Variants in CDH22 observed in about 807,000 individuals in gnomAD.
CDH22 encodes cadherin 22, also known as cadherin-22.
CDH22 carries 30 observed loss-of-function variants against 58.4 expected under a neutral mutation model. That is an observed-to-expected ratio of 0.51 (90% CI 0.38 to 0.70). The LOEUF is 0.70. Ranked by LOEUF, CDH22 falls within the 30% of genes least tolerant of loss-of-function variation. CDH22 has a pLI of 0.00. For missense variants in CDH22, 1,014 were observed against 1,233.9 expected, an observed-to-expected ratio of 0.82 and a Z score of 2.67; for synonymous variants, 513 against 558.2, an observed-to-expected ratio of 0.92 and a Z score of 1.14.
In CDH22 at chr20:46,174,934, CCGA is replaced by C; in HGVS notation, c.2056_2058del (p.Ser686del). ...CCGAAGTCGTAGAGGCTCCGCAGCG[CCGA>C]CATGTCGTAGGCTTCGGTGTCCTGC... is the stretch of plus-strand genomic sequence containing the variant. On this transcript the variant is annotated inframe_deletion, in exon 12 of 12. Transcript: ENST00000537909. The surrounding 1 kb of genome is among the most constrained non-coding windows in gnomAD (Gnocchi z 4.4). 6.3e-7 allele frequency: 1 copy of C among 1,593,686 alleles called. No individual in the cohort carries two copies. Among genetic ancestry groups the C allele is most frequent in the Non-Finnish European group, 8.5e-7 (1 of 1,176,992 alleles).
intron 1 of CDH22, among the ~76,000 whole-genome samples, chr20:46,275,307 G>A (rs1014225088): frequency 1.3e-4 from 19 of 151,958 alleles, no homozygotes; most frequent in Admixed American, 6.5e-4. Context: ...GTAGCTGTTC[G>A]CCAAGTCTGG....
intron 1 of CDH22, among the ~76,000 whole-genome samples, chr20:46,274,642 C>A (rs2086508569): frequency 6.6e-6 from 1 of 152,160 alleles, no homozygotes; most frequent in Admixed American, 6.5e-5. Flanking sequence ...TTCATAGCAG[C>A]ATGATTCAAC....
chr20:46,242,094 C>G (rs2086294000), intron 2 of CDH22, among the ~76,000 whole-genome samples: 1 of 152,244 alleles, frequency 6.6e-6, no homozygotes. Context: ...GGGATGTTAA[C>G]TGAAAGAGCA....
intron 3 of CDH22, among the ~76,000 whole-genome samples, chr20:46,233,380 C>T (rs908237340): frequency 7.9e-5 from 12 of 152,188 alleles, no homozygotes; most frequent in African/African-American, 2.4e-4. Flanking sequence ...GACCCACAAG[C>T]GCTTCTGTCC....
At chr20:46,185,119 C>A (rs1378538657) in intron 10 of CDH22, among the ~76,000 whole-genome samples, 3 of 105,022 alleles carry the variant, frequency 2.9e-5, no homozygotes, top group South Asian at 3.9e-4. Flanking sequence ...AACAAAAAAA[C>A]CCCACACGCA....
At chr20:46,191,225 T>C (rs4383400) in intron 8 of CDH22, among the ~76,000 whole-genome samples, 29,721 of 151,948 alleles carry the variant, frequency 0.2, 6,169 homozygotes, top group African/African-American at 0.51. Flanking sequence ...TGAGTCCTGC[T>C]GAGTCCTGAC....
At chr20:46,233,922 G>A (rs1359453210) in intron 3 of CDH22, among the ~76,000 whole-genome samples, 1 of 152,244 alleles carries the variant, frequency 6.6e-6, no homozygotes, top group Non-Finnish European at 1.5e-5. Context: ...GCAGAGACCA[G>A]CGATTGATTC....
intron 8 of CDH22, among the ~76,000 whole-genome samples, chr20:46,189,186 C>T (rs568770517): frequency 1.3e-5 from 2 of 152,186 alleles, no homozygotes; most frequent in Non-Finnish European, 2.9e-5. Flanking sequence ...TCTGGAGTTC[C>T]CCTTAGCCAG....
chr20:46,215,921 C>T (rs540732659), intron 5 of CDH22, among the ~76,000 whole-genome samples: 2 of 152,142 alleles, frequency 1.3e-5, no homozygotes, highest in East Asian at 1.9e-4. Flanking sequence ...TCCCTGGCAC[C>T]GGGAAGCCGG....
chr20:46,251,192 G>T lies in CDH22; in HGVS notation c.103C>A (p.Arg35Ser). 1 of 1,481,958 alleles carries T rather than the reference G, an allele frequency of 6.7e-7. No homozygotes were observed. The highest frequency in any genetic ancestry group is 8.9e-7 in the Non-Finnish European group (1 of 1,118,644). The allele number at this position is 1,481,958 out of a possible 1,614,324, so 91.8% of individuals were successfully genotyped here. The change falls in exon 2 of 12, where the codon CGC becomes AGC. Residue 35 changes from arginine (R) to serine (S), a missense_variant. Arg to Ser is a moderately radical substitution (Grantham distance 110). Coordinates refer to ENST00000537909, the MANE Select transcript of CDH22 (RefSeq NM_021248.3). This position sits in a 1 kb window ranked among gnomAD's most constrained non-coding sequence, Gnocchi z 6.7. ...GAGGGTGTGCCCGCTGCCCACAGGCGCCCCAGCAGCGTCGGCGGCGGCGGC... is the reference window on the plus strand; with the variant it reads ...GAGGGTGTGCCCGCTGCCCACAGGCTCCCCAGCAGCGTCGGCGGCGGCGGC... ...LLPPPPTLLGRLWAAGTPSPS... is the reference protein window; with the variant it reads ...LLPPPPTLLGSLWAAGTPSPS...
At chr20:46,221,486 C>T (rs2086125465) in intron 4 of CDH22, among the ~76,000 whole-genome samples, 1 of 152,114 alleles carries the variant, frequency 6.6e-6, no homozygotes, top group Non-Finnish European at 1.5e-5. Context: ...CTTTCATCCT[C>T]CAGTAGGCTG....
chr20:46,241,381 GTGAGGACAC>G lies in CDH22; in HGVS notation c.256-133_256-125del. On this transcript the variant is annotated intron_variant, in intron 2 of 11. Transcript: ENST00000537909. This position sits in a 1 kb window ranked among gnomAD's most constrained non-coding sequence, Gnocchi z 5.2. ...CTTCTCCAGCACATACACATCTTTA[GTGAGGACAC>G]TGAGGCCCAGCAGCCACGCTCACTT... is the stretch of plus-strand genomic sequence containing the variant. The G allele has an allele frequency of 1.2e-6, 1 of 837,430 alleles. No homozygotes were observed. The highest frequency in any genetic ancestry group is 1.8e-6 in the Non-Finnish European group (1 of 550,192). The allele number at this position is 837,430 out of a possible 1,614,324, so 51.9% of individuals were successfully genotyped here. A position where few individuals can be genotyped will look rare whatever the true frequency, so the allele number is the denominator to read the frequency against.
intron 2 of CDH22, among the ~76,000 whole-genome samples, chr20:46,248,769 T>C (rs2086349519): frequency 6.6e-6 from 1 of 152,084 alleles, no homozygotes; most frequent in Non-Finnish European, 1.5e-5. Flanking sequence ...TGAGATCGTG[T>C]CACCGCACTC....
chr20:46,271,468 A>G (rs1775937256), intron 1 of CDH22, among the ~76,000 whole-genome samples: 1 of 151,980 alleles, frequency 6.6e-6, no homozygotes, highest in African/African-American at 2.4e-5. Flanking sequence ...ATACCTCCCT[A>G]TACTCCCCAA....
chr20:46,185,988 C>T (rs1028107537), intron 10 of CDH22, among the ~76,000 whole-genome samples: 4 of 152,064 alleles, frequency 2.6e-5, no homozygotes, highest in African/African-American at 7.2e-5. Context: ...CGAGGCAGGC[C>T]GATAGCTTGA....
At position 46,199,542 on chromosome 20, in the gene CDH22, T is replaced by C. The variant is rs780347669; in HGVS notation, c.1304A>G (p.Glu435Gly). 1 of 1,613,852 alleles carries C rather than the reference T, an allele frequency of 6.2e-7. No individual in the cohort carries two copies. ...NRPVRYAIDR[E>G]SDLDQIFDID... Reference sequence around the variant, plus strand: ...ATCGAAGATCTGGTCCAAATCTGATTCGCGGTCAATGGCGTACCTGCGGGG... The same window carrying C: ...ATCGAAGATCTGGTCCAAATCTGATCCGCGGTCAATGGCGTACCTGCGGGG... Residue 435 changes from glutamate to glycine, a missense_variant, in exon 8 of 12, where the codon GAA becomes GGA. Glu to Gly is a moderately conservative substitution (Grantham distance 98). Transcript: ENST00000537909.
Position 46,174,811 on chromosome 20 carries a change from A to G in CDH22, c.2182T>C (p.Ser728Pro). 1 of 1,477,802 alleles carries G rather than the reference A, an allele frequency of 6.8e-7. No homozygotes were observed. 91.5% of individuals were successfully genotyped at this position (1,477,802 alleles called of 1,614,324 possible). ...CCCTGCGGCAGCGAGTGGCGCTCGGAGGGCAGGTGGGCCTGCGGGGGGCTG... is the reference window on the plus strand; with the variant it reads ...CCCTGCGGCAGCGAGTGGCGCTCGGGGGGCAGGTGGGCCTGCGGGGGGCTG... Reference protein sequence around the residue: ...AGSPPQAHLPSERHSLPQGPP... With the variant: ...AGSPPQAHLPPERHSLPQGPP... The change falls in exon 12 of 12, where the codon TCC becomes CCC. Residue 728 changes from serine (S) to proline (P), a missense_variant. Physicochemically the swap from Ser to Pro is moderately conservative, Grantham distance 74 (BLOSUM62 -1). Around this residue, in one of 2 missense-constraint regions of CDH22, gnomAD observed 208 missense variants for 195.2 expected, o/e 1.07. Transcript: ENST00000537909. The surrounding 1 kb of genome is among the most constrained non-coding windows in gnomAD (Gnocchi z 4.4).
At chr20:46,283,185 C>T (rs1345083904) in intron 1 of CDH22, among the ~76,000 whole-genome samples, 2 of 152,338 alleles carry the variant, frequency 1.3e-5, no homozygotes, top group African/African-American at 4.8e-5. Context: ...TACCTCTGGT[C>T]ACACAAGTGG....
rs368091518 is a variant in CDH22 at position 46,198,287 on chromosome 20, G to GACACACACACACAC, written c.1423+1122_1423+1135dup. ...CATTTCTCCCTAGCTGCACCAAAAA[G>GACACACACACACAC]ACACACACACACACACACACACACA... On this transcript the variant is annotated intron_variant, in intron 8 of 11. Transcript: ENST00000537909. Among the ~76,000 whole-genome samples the GACACACACACACAC allele has an allele frequency of 3.1e-5, 4 of 128,632 alleles. 1 individual carries two copies. Among genetic ancestry groups the GACACACACACACAC allele is most frequent in the South Asian group, 5.6e-4 (2 of 3,592 alleles). 84.4% of individuals were successfully genotyped at this position (128,632 alleles called of 152,430 possible).
Sources: allele counts gnomAD v4.1 joint callset (sites outside exome capture counted in the v4.1 genomes callset), GRCh38; gene constraint gnomAD v4.1.1; regional missense constraint gnomAD v4.1.1; non-coding constraint Gnocchi (gnomAD v3.1); transcripts MANE v1.5; gene names NCBI Gene and HGNC (gene_info 2026-07-23, HGNC 2026-07-21).